The following GRIK2 variants were observed in gnomAD, a reference collection of about 807,000 sequenced individuals.
GRIK2 encodes glutamate receptor ionotropic, kainate 2.
Under a neutral mutation model 100.3 loss-of-function variants are expected in GRIK2, and 32 were observed. The ratio of observed to expected loss-of-function variants is 0.32; its 90% confidence interval spans 0.24 to 0.43. The LOEUF (loss-of-function observed/expected upper bound fraction) is 0.43, where lower values mean the gene tolerates loss of function less well. Among genes scored for constraint, GRIK2 ranks in the 20% least tolerant of loss-of-function variants. The pLI, the probability that GRIK2 is intolerant of heterozygous loss-of-function variation, is 1.00. For synonymous variants in GRIK2, 417 were observed against 389.4 expected (o/e 1.07, Z -0.83); for missense variants, 843 against 1,114.9 (o/e 0.76, Z 3.47).
intron 11 of GRIK2, among the ~76,000 whole-genome samples, chr6:101,872,859 A>G (rs898383774): frequency 6.6e-6 from 1 of 151,906 alleles, no homozygotes; most frequent in Admixed American, 6.6e-5. Flanking sequence ...TCAGAATTTT[A>G]AATTATAGGT....
chr6:101,690,217 A>G (rs1448517707), intron 7 of GRIK2, among the ~76,000 whole-genome samples: 1 of 152,072 alleles, frequency 6.6e-6, no homozygotes, highest in East Asian at 1.9e-4. Context: ...TAATTTAATT[A>G]TCAGTATTTT....
chr6:101,760,156 AC>A (rs1777414848), intron 7 of GRIK2, among the ~76,000 whole-genome samples: 2 of 146,172 alleles, frequency 1.4e-5, no homozygotes, highest in African/African-American at 5.4e-5. Context: ...GGCGTGAGCC[AC>A]CGCGCCCGGC....
chr6:101,704,726 C>A (rs1773137253), intron 7 of GRIK2, among the ~76,000 whole-genome samples: 1 of 151,040 alleles, frequency 6.6e-6, no homozygotes, highest in African/African-American at 2.4e-5. Context: ...AAAGGAGGTT[C>A]TTTCCATGAA....
intron 2 of GRIK2, among the ~76,000 whole-genome samples, chr6:101,504,818 T>C (rs1350955340): frequency 6.6e-6 from 1 of 152,108 alleles, no homozygotes; most frequent in African/African-American, 2.4e-5. Flanking sequence ...CCTCCTGGTG[T>C]AAACTGTGCA....
intron 2 of GRIK2, among the ~76,000 whole-genome samples, chr6:101,411,584 G>A (rs770778708): frequency 5.9e-5 from 9 of 152,012 alleles, no homozygotes; most frequent in Non-Finnish European, 1.2e-4. Flanking sequence ...TTAAGTTTAT[G>A]ATTCTTCTAT....
intron 7 of GRIK2, among the ~76,000 whole-genome samples, chr6:101,732,478 A>G (rs1449457970): frequency 6.6e-6 from 1 of 152,120 alleles, no homozygotes; most frequent in Non-Finnish European, 1.5e-5. Context: ...TTTTTCATCA[A>G]AGCAATATAT....
chr6:102,068,199 T>C (rs1465889707), intron 16 of GRIK2, 148 bp from the exon 17 acceptor site: 1 of 586,792 alleles, frequency 1.7e-6, no homozygotes, highest in Admixed American at 3.3e-5. Context: ...GTTTAAAGTG[T>C]GACATTTGTT....
intron 2 of GRIK2, among the ~76,000 whole-genome samples, chr6:101,415,220 GA>G (rs1275005874): frequency 3.3e-5 from 5 of 151,656 alleles, no homozygotes; most frequent in Admixed American, 6.6e-5. Flanking sequence ...AAAATATATA[GA>G]AAATTATAAA....
chr6:101,844,167 GA>G (rs1219804666), intron 10 of GRIK2, among the ~76,000 whole-genome samples: 2 of 152,186 alleles, frequency 1.3e-5, no homozygotes, highest in Middle Eastern at 3.4e-3. Flanking sequence ...CATACTCTTA[GA>G]AAAAATGTAA....
intron 14 of GRIK2, among the ~76,000 whole-genome samples, chr6:101,977,106 T>A (rs1263125166): frequency 6.6e-6 from 1 of 151,436 alleles, no homozygotes; most frequent in Non-Finnish European, 1.5e-5. Context: ...AGTAATGAAG[T>A]GACAAAGGAA....
At chr6:101,721,384 G>C (rs1774473299) in intron 7 of GRIK2, among the ~76,000 whole-genome samples, 1 of 151,846 alleles carries the variant, frequency 6.6e-6, no homozygotes, top group Admixed American at 6.6e-5. Flanking sequence ...GAGAGACTCT[G>C]TTCTCTACAA....
chr6:101,542,443 T>C (rs1398958750), intron 2 of GRIK2, among the ~76,000 whole-genome samples: 4 of 151,546 alleles, frequency 2.6e-5, no homozygotes, highest in Non-Finnish European at 5.9e-5. Context: ...GATTCTTCTT[T>C]ATCAATAACA....
chr6:101,819,160 T>C (rs1196471515), intron 10 of GRIK2, among the ~76,000 whole-genome samples: 2 of 152,162 alleles, frequency 1.3e-5, no homozygotes, highest in Non-Finnish European at 2.9e-5. Context: ...GGAATTTTAA[T>C]TTAGGATAAG....
intron 16 of GRIK2, among the ~76,000 whole-genome samples, chr6:102,061,480 T>C (rs1197053847): frequency 2.0e-5 from 3 of 150,536 alleles, no homozygotes; most frequent in African/African-American, 7.3e-5. Context: ...TCTTCCTCCT[T>C]GAATTTTTCA....
chr6:101,741,130 A>G lies in GRIK2; in HGVS notation c.951+54777A>G, dbSNP rs573849865. Reference sequence around the variant, plus strand: ...CAAGCATGCAAGTATGCAACTAGGAAATTTCCCTGAGGACACTGGTTGTCA... The same window carrying G: ...CAAGCATGCAAGTATGCAACTAGGAGATTTCCCTGAGGACACTGGTTGTCA... On this transcript the variant is annotated intron_variant, in intron 7 of 16. Transcript: ENST00000369134. Among the ~76,000 whole-genome samples, 24 of 152,300 alleles carry G rather than the reference A, an allele frequency of 1.6e-4. No homozygotes were observed. The South Asian group carries it at 5.0e-3, about 32-fold the overall frequency.
chr6:102,067,436 G>T (rs1772072742), intron 16 of GRIK2, among the ~76,000 whole-genome samples: 1 of 151,666 alleles, frequency 6.6e-6, no homozygotes, highest in Non-Finnish European at 1.5e-5. Flanking sequence ...AATAGTCTAA[G>T]TTCATAATCA....
At chr6:101,763,198 G>C (rs1231913171) in intron 7 of GRIK2, among the ~76,000 whole-genome samples, 1 of 152,222 alleles carries the variant, frequency 6.6e-6, no homozygotes, top group Non-Finnish European at 1.5e-5. Flanking sequence ...TGTCCCTACT[G>C]CTTTGATTTG....
chr6:101,652,128 T>A (rs1196799035), intron 4 of GRIK2, among the ~76,000 whole-genome samples: 1 of 152,126 alleles, frequency 6.6e-6, no homozygotes, highest in African/African-American at 2.4e-5. Flanking sequence ...AAAACTTGAT[T>A]AGAGTGAGCT....
At chr6:101,447,585 T>C (rs951697178) in intron 2 of GRIK2, among the ~76,000 whole-genome samples, 3 of 151,724 alleles carry the variant, frequency 2.0e-5, no homozygotes, top group Non-Finnish European at 4.4e-5. Flanking sequence ...TCTGGAAATA[T>C]ATAGATTTCT....
Sources: gnomAD v4.1 joint callset for allele counts (sites outside exome capture counted in the v4.1 genomes callset) on GRCh38, gnomAD v4.1.1 for gene constraint, MANE v1.5 for transcripts, NCBI Gene and HGNC (gene_info 2026-07-23, HGNC 2026-07-21) for gene names.